Variants in MMD2 observed in about 807,000 individuals in gnomAD.
The protein encoded by MMD2 is monocyte to macrophage differentiation factor 2.
In MMD2, 30 loss-of-function variants were observed where a neutral mutation model predicts 33.5. The ratio of observed to expected loss-of-function variants is 0.90; its 90% CI spans 0.67 to 1.22. The LOEUF (loss-of-function observed/expected upper bound fraction) is 1.22, where lower values mean the gene tolerates loss of function less well. Ranked by LOEUF, MMD2 falls within the 50% of genes most tolerant of loss-of-function variation. The pLI is 0.00. For missense variants in MMD2, 364 were observed against 325.4 expected, an observed-to-expected ratio of 1.12 and a Z score of -0.91; for synonymous variants, 129 against 123.0, an observed-to-expected ratio of 1.05 and a Z score of -0.32.
At chr7:4,945,185 T>TTTCTTCCTCTTCTTC (rs1786025888) in intron 1 of MMD2, among the ~76,000 whole-genome samples, 2 of 93,480 alleles carry the variant, frequency 2.1e-5, no homozygotes, top group Non-Finnish European at 2.1e-5. Context: ...CCTCTTCCTC[T>TTTCTTCCTCTTCTTC]TTCTTCTTCT....
chr7:4,895,925 G>A, the MMD2 span, among the ~76,000 whole-genome samples: 2 of 152,076 alleles, frequency 1.3e-5, no homozygotes, highest in Non-Finnish European at 2.9e-5. Flanking sequence ...TGTTTAGCGT[G>A]CCCTGCTCAC....
intron 5 of MMD2, among the ~76,000 whole-genome samples, 154 bp downstream of exon 5, chr7:4,910,991 C>A (rs1219094302): frequency 3.9e-5 from 6 of 152,146 alleles, no homozygotes; most frequent in Non-Finnish European, 5.9e-5. Flanking sequence ...TCTGCAAGAC[C>A]TGGTGGCCAC....
In MMD2 at chr7:4,933,791, C is replaced by A. The variant is rs564205726; in HGVS notation, c.48-8259G>T. On this transcript the variant is annotated intron_variant, in intron 1 of 6. Coordinates refer to ENST00000401401, the MANE Select transcript of MMD2 (RefSeq NM_198403.4). Reference sequence around the variant, plus strand: ...GAGACCACAGGTACACACCACCATGCCTGGTTAATTTTTAAATTTTTTGTA... The same window carrying A: ...GAGACCACAGGTACACACCACCATGACTGGTTAATTTTTAAATTTTTTGTA... Among the ~76,000 whole-genome samples the A allele has an allele frequency of 9.2e-5, 14 of 152,022 alleles. 1 individual carries two copies. In the South Asian group the frequency reaches 2.9e-3, roughly 32 times the overall value.
chr7:4,901,859 A>G (rs1784799323), downstream of MMD2, among the ~76,000 whole-genome samples: 1 of 152,272 alleles, frequency 6.6e-6, no homozygotes, highest in African/African-American at 2.4e-5. Context: ...ATCCTTGGCA[A>G]TGCCACTTTG....
intron 1 of MMD2, among the ~76,000 whole-genome samples, chr7:4,925,880 C>G (rs527617196): frequency 7.9e-5 from 12 of 152,268 alleles, no homozygotes; most frequent in African/African-American, 2.9e-4. Flanking sequence ...GTGGTGTGAT[C>G]TCAGCTCACT....
chr7:4,956,122 C>G (rs1412484523), intron 1 of MMD2, among the ~76,000 whole-genome samples: 1 of 151,998 alleles, frequency 6.6e-6, no homozygotes. Context: ...CTGGATTATA[C>G]CATTAAATTC....
At chr7:4,942,486 T>C (rs1309011920) in intron 1 of MMD2, among the ~76,000 whole-genome samples, 1 of 151,414 alleles carries the variant, frequency 6.6e-6, no homozygotes, top group Non-Finnish European at 1.5e-5. Flanking sequence ...CAGGCTGGTC[T>C]TGAACTCCTG....
At chr7:4,915,618 T>C (rs1785120046) in intron 4 of MMD2, among the ~76,000 whole-genome samples, 1 of 151,430 alleles carries the variant, frequency 6.6e-6, no homozygotes, top group African/African-American at 2.4e-5. Context: ...CGCGTGCCTG[T>C]AATCCCAGCT....
At chr7:4,943,033 A>T (rs1336571936) in intron 1 of MMD2, among the ~76,000 whole-genome samples, 12 of 120,052 alleles carry the variant, frequency 1.0e-4, no homozygotes, top group Admixed American at 9.3e-4. Flanking sequence ...TTTTTGAGAC[A>T]GAGTCTCTCA....
intron 6 of MMD2, 170 bp downstream of exon 6, chr7:4,909,711 A>C: frequency 1.2e-6 from 1 of 868,922 alleles, no homozygotes; most frequent in Non-Finnish European, 1.9e-6. Flanking sequence ...ACTGGATTAT[A>C]GGCATGAGCC....
chr7:4,921,680 C>A (rs1217604821), intron 2 of MMD2, among the ~76,000 whole-genome samples: 5 of 151,830 alleles, frequency 3.3e-5, no homozygotes, highest in African/African-American at 7.3e-5. Context: ...TGTGCATCCT[C>A]CAGGACTCAC....
At chr7:4,923,923 C>T (rs1463190296) in intron 2 of MMD2, among the ~76,000 whole-genome samples, 1 of 151,756 alleles carries the variant, frequency 6.6e-6, no homozygotes, top group East Asian at 1.9e-4. Flanking sequence ...GCCAAGGCGG[C>T]GGCTCACACC....
At chr7:4,911,362 C>G in intron 4 of MMD2, 116 bp from the exon 5 acceptor site, 1 of 749,222 alleles carries the variant, frequency 1.3e-6, no homozygotes, top group Non-Finnish European at 2.2e-6. Flanking sequence ...ACCTGTGACT[C>G]CACGGCTGGG....
chr7:4,947,802 C>T (rs984772020), intron 1 of MMD2, among the ~76,000 whole-genome samples: 26 of 147,226 alleles, frequency 1.8e-4, no homozygotes, highest in Admixed American at 3.5e-4. Flanking sequence ...CGGGTTCAAG[C>T]GATTTTCCTG....
intron 1 of MMD2, among the ~76,000 whole-genome samples, chr7:4,930,349 G>C (rs972000590): frequency 7.1e-6 from 1 of 139,974 alleles, no homozygotes; most frequent in African/African-American, 2.7e-5. Flanking sequence ...TCCCTAAAAA[G>C]ACAAAACAGG....
the MMD2 span, among the ~76,000 whole-genome samples, chr7:4,899,064 A>T: frequency 6.6e-6 from 1 of 152,070 alleles, no homozygotes; most frequent in Non-Finnish European, 1.5e-5. Context: ...GAATGGGATT[A>T]GTACCCTTAC....
chr7:4,910,553 G>A (rs1297396615), intron 5 of MMD2, among the ~76,000 whole-genome samples: 1 of 152,024 alleles, frequency 6.6e-6, no homozygotes, highest in Non-Finnish European at 1.5e-5. Flanking sequence ...AATAATTTAG[G>A]TAGGGCAGGT....
Position 4,907,526 on chromosome 7 carries a change from C to G in MMD2, c.611G>C (p.Ser204Thr). 4 of 1,613,830 alleles carry G rather than the reference C, an allele frequency of 2.5e-6. No homozygotes were observed. Among genetic ancestry groups the G allele is most frequent in the African/African-American group, 1.3e-5 (1 of 75,062 alleles). ...GTGGGCAAAGGGGATCCTCCCGTCA[C>G]TCTTGAAGAAGACCATGCCCAGGCA... The part of the protein sequence containing the change: ...FYCLGMVFFK[S>T]DGRIPFAHAI... The change falls in exon 7 of 7, where the codon AGT (serine) becomes ACT (threonine). Residue 204 changes from serine (S) to threonine (T), a missense_variant. Coordinates refer to ENST00000401401, the MANE Select transcript of MMD2 (RefSeq NM_198403.4).
In MMD2 at chr7:4,945,185, TTTCTTCTTC is replaced by T. The variant is rs778065489; in HGVS notation, c.47+13777_47+13785del. On this transcript the variant is annotated intron_variant, in intron 1 of 6. Coordinates refer to ENST00000401401, the MANE Select transcript of MMD2 (RefSeq NM_198403.4). ...TTCTTCCTTCTTCCTCCTCTTCCTC[TTTCTTCTTC>T]TTCTTCTTCTTCTTCTTCTTCTTCT... Among the ~76,000 whole-genome samples the T allele has an allele frequency of 2.0e-3, 186 of 93,538 alleles. 1 individual carries two copies. Among genetic ancestry groups the T allele is most frequent in the African/African-American group, 3.6e-3 (91 of 25,202 alleles). The allele number at this position is 93,538 out of a possible 152,430, so 61.4% of individuals were successfully genotyped here.
Sources: allele counts gnomAD v4.1 joint callset (sites outside exome capture counted in the v4.1 genomes callset), GRCh38; gene constraint gnomAD v4.1.1; transcripts MANE v1.5; gene names NCBI Gene and HGNC (gene_info 2026-07-23, HGNC 2026-07-21).